ATXN1: variants seen among roughly 807,000 people sequenced by gnomAD.
ATXN1 encodes ataxin 1.
A neutral mutation model predicts 56.4 loss-of-function variants in ATXN1; 8 were observed. The observed-to-expected ratio is 0.14, with a 90% CI of 0.08 to 0.26. The LOEUF is 0.26. Ranked by LOEUF, ATXN1 falls within the 10% of genes least tolerant of loss-of-function variation. ATXN1 has a pLI of 1.00. For synonymous variants in ATXN1, 514 were observed against 494.6 expected, an observed-to-expected ratio of 1.04 and a Z score of -0.52; for missense variants, 987 against 1,106.5, an observed-to-expected ratio of 0.89 and a Z score of 1.53.
At chr6:16,424,287 G>A (rs1030464624) in intron 6 of ATXN1, among the ~76,000 whole-genome samples, 2 of 152,154 alleles carry the variant, frequency 1.3e-5, no homozygotes, top group African/African-American at 2.4e-5. Flanking sequence ...CACAAGCCGG[G>A]TGTGTGCATG....
chr6:16,430,335 GAAA>G (rs11302453), intron 6 of ATXN1, among the ~76,000 whole-genome samples: 2 of 145,076 alleles, frequency 1.4e-5, no homozygotes, highest in African/African-American at 2.5e-5. Flanking sequence ...GGAAGGATAG[GAAA>G]AAAAAAAAAA....
At chr6:16,577,891 A>T (rs1762454572) in intron 4 of ATXN1, among the ~76,000 whole-genome samples, 1 of 152,210 alleles carries the variant, frequency 6.6e-6, no homozygotes, top group Non-Finnish European at 1.5e-5. Flanking sequence ...CCCCTGTGAG[A>T]CAGATATTAT....
At position 16,760,300 on chromosome 6, in the gene ATXN1, C is replaced by T. The variant is rs1010494794; in HGVS notation, c.-730+998G>A. Among the ~76,000 whole-genome samples, 1 of 152,010 alleles carries T rather than the reference C, an allele frequency of 6.6e-6. No individual in the cohort carries two copies. Among genetic ancestry groups the T allele is most frequent in the Non-Finnish European group, 1.5e-5 (1 of 67,966 alleles). On this transcript the variant is annotated intron_variant, in intron 1 of 7. Transcript: ENST00000436367. This position sits in a 1 kb window ranked among gnomAD's most constrained non-coding sequence, Gnocchi z 5.3. ...GCTTCATTCACCCTCCCAGCAGCCG[C>T]GCAGCCGTTCACTCCCGGCTCAGGG...
At chr6:16,740,335 C>A (rs568217807) in intron 2 of ATXN1, among the ~76,000 whole-genome samples, 5 of 152,142 alleles carry the variant, frequency 3.3e-5, no homozygotes, top group African/African-American at 7.2e-5. Flanking sequence ...CCAGCACCAG[C>A]TCCTTCTTGC....
At chr6:16,722,851 G>A (rs983283343) in intron 2 of ATXN1, among the ~76,000 whole-genome samples, 3 of 152,200 alleles carry the variant, frequency 2.0e-5, no homozygotes, top group Non-Finnish European at 4.4e-5. Context: ...TGAGAATGCA[G>A]TGTCAGTAAC....
chr6:16,540,432 G>A (rs1761692086), intron 4 of ATXN1, among the ~76,000 whole-genome samples: 1 of 152,114 alleles, frequency 6.6e-6, no homozygotes, highest in South Asian at 2.1e-4. Context: ...GGATGGTCTC[G>A]AACTCCTGAC....
At chr6:16,490,134 C>CAA (rs36120552) in intron 5 of ATXN1, among the ~76,000 whole-genome samples, 1 of 134,278 alleles carries the variant, frequency 7.4e-6, no homozygotes, top group Non-Finnish European at 1.6e-5. Flanking sequence ...GACAAATGAC[C>CAA]AAAAAAAAAA....
chr6:16,599,939 G>A (rs1220322934), intron 3 of ATXN1, among the ~76,000 whole-genome samples: 1 of 152,178 alleles, frequency 6.6e-6, no homozygotes, highest in Non-Finnish European at 1.5e-5. Context: ...GTAGTGTTAT[G>A]AGAGTGTTTC....
At chr6:16,582,099 C>T (rs1366993069) in intron 4 of ATXN1, among the ~76,000 whole-genome samples, 1 of 152,220 alleles carries the variant, frequency 6.6e-6, no homozygotes, top group Non-Finnish European at 1.5e-5. Flanking sequence ...CGGCTGTCAA[C>T]AATCACAACC....
At chr6:16,578,808 T>C (rs1014257498) in intron 4 of ATXN1, among the ~76,000 whole-genome samples, 1 of 150,156 alleles carries the variant, frequency 6.7e-6, no homozygotes, top group Non-Finnish European at 1.5e-5. Context: ...CTTTTTGGGG[T>C]GTGTGTAGGG....
chr6:16,699,144 G>C (rs1265996807), intron 2 of ATXN1, among the ~76,000 whole-genome samples: 1 of 152,166 alleles, frequency 6.6e-6, no homozygotes, highest in Admixed American at 6.6e-5. Context: ...TTACTTTCAA[G>C]GGTTCAGTAG....
chr6:16,727,825 A>C (rs1198865418), intron 2 of ATXN1, among the ~76,000 whole-genome samples: 1 of 152,240 alleles, frequency 6.6e-6, no homozygotes, highest in African/African-American at 2.4e-5. Context: ...CTGTCTACTG[A>C]AAGTGAAAAT....
At chr6:16,652,303 C>T (rs1763909102) in intron 3 of ATXN1, among the ~76,000 whole-genome samples, 1 of 152,224 alleles carries the variant, frequency 6.6e-6, no homozygotes, top group Non-Finnish European at 1.5e-5. Flanking sequence ...TTCCTATTTA[C>T]ATCTGTTCCA....
intron 4 of ATXN1, among the ~76,000 whole-genome samples, chr6:16,562,404 G>A (rs1357460262): frequency 8.1e-6 from 1 of 122,806 alleles, no homozygotes. Context: ...GAAGAAAGAA[G>A]AAAGAAGGGG....
chr6:16,596,931 G>A (rs1762825445), intron 3 of ATXN1, among the ~76,000 whole-genome samples: 1 of 152,152 alleles, frequency 6.6e-6, no homozygotes, highest in Non-Finnish European at 1.5e-5. Flanking sequence ...TCATCTCAGC[G>A]ACTCTCTCTT....
In ATXN1 at chr6:16,327,939, C is replaced by T. The variant is rs533588627; in HGVS notation, c.372G>A (p.Pro124=). 1.3e-5 allele frequency: 21 copies of T among 1,611,764 alleles called. No homozygotes were observed. Among genetic ancestry groups the T allele is most frequent in the East Asian group, 6.7e-5 (3 of 44,876 alleles). Residue 124 remains proline, a synonymous_variant, in exon 7 of 8, where the codon CCG becomes CCA. Transcript: ENST00000436367. ...AGGACCCAATGAACTGGAAGGTGTG[C>T]GGCAGGTGAGCGTACTGCACGGGGG... The part of the protein sequence containing the change: ...PVSPVQYAHL[P]HTFQFIGSSQ...
intron 4 of ATXN1, among the ~76,000 whole-genome samples, chr6:16,554,572 C>T (rs894049605): frequency 2.0e-5 from 3 of 152,220 alleles, no homozygotes; most frequent in African/African-American, 7.2e-5. Context: ...CTGCCTCAGC[C>T]TCCTGAGTAG....
chr6:16,675,871 G>A (rs188873381), intron 2 of ATXN1, among the ~76,000 whole-genome samples: 73 of 151,968 alleles, frequency 4.8e-4, no homozygotes, highest in Non-Finnish European at 9.6e-4. Flanking sequence ...CCTGGGTGAC[G>A]GAGTGAGACT....
intron 4 of ATXN1, among the ~76,000 whole-genome samples, chr6:16,532,342 T>C (rs1761520746): frequency 6.6e-6 from 1 of 152,180 alleles, no homozygotes; most frequent in African/African-American, 2.4e-5. Flanking sequence ...GATAAGCAGA[T>C]ATGGGCAAAT....
Sources: gnomAD v4.1 joint callset for allele counts (sites outside exome capture counted in the v4.1 genomes callset) on GRCh38, gnomAD v4.1.1 for gene constraint, Gnocchi (gnomAD v3.1) non-coding constraint, MANE v1.5 for transcripts, NCBI Gene and HGNC (gene_info 2026-07-23, HGNC 2026-07-21) for gene names.